DMD: variants seen among roughly 807,000 people sequenced by gnomAD.
The protein encoded by DMD is dystrophin.
DMD carries 63 observed loss-of-function variants against 330.1 expected under a neutral mutation model. The ratio of observed to expected loss-of-function variants is 0.19; its 90% CI spans 0.16 to 0.24. The LOEUF (loss-of-function observed/expected upper bound fraction) is 0.24, where lower values mean the gene tolerates loss of function less well. DMD is among the 10% of genes least tolerant of loss of function. DMD has a pLI of 1.00. For missense variants in DMD, 3,344 were observed against 2,684.1 expected, an observed-to-expected ratio of 1.25 and a Z score of -5.43; for synonymous variants, 1,223 against 959.8, an observed-to-expected ratio of 1.27 and a Z score of -5.07.
intron 61 of DMD, among the ~76,000 whole-genome samples, chrX:31,347,375 C>G (rs921504612): frequency 1.9e-5 from 2 of 107,799 alleles, no homozygotes; most frequent in African/African-American, 6.6e-5. Context: ...ACCCATTAAC[C>G]ACCCTCTCTT....
At chrX:31,703,086 C>T (rs1438450243) in intron 52 of DMD, among the ~76,000 whole-genome samples, 1 of 110,903 alleles carries the variant, frequency 9.0e-6, no homozygotes, top group Non-Finnish European at 1.9e-5. Context: ...GAACTCCTGA[C>T]ATCAAGTGGT....
At chrX:32,429,209 C>CT (rs781555625) in intron 29 of DMD, among the ~76,000 whole-genome samples, 1,768 of 75,895 alleles carry the variant, frequency 0.023, 57 homozygotes, top group African/African-American at 0.054. Context: ...CTTTTCTTTC[C>CT]TTTTTTTTTT....
intron 19 of DMD, among the ~76,000 whole-genome samples, chrX:32,500,742 A>T (rs112074524): frequency 1.2e-4 from 13 of 111,930 alleles, no homozygotes; most frequent in African/African-American, 4.2e-4. Flanking sequence ...CTCACCTGTT[A>T]TATTTGTTTG....
intron 7 of DMD, among the ~76,000 whole-genome samples, chrX:32,704,910 A>G (rs1446391172): frequency 8.9e-6 from 1 of 112,289 alleles, no homozygotes; most frequent in Admixed American, 9.4e-5. Context: ...AAGTGCTGGA[A>G]GTAAAGTGGA....
intron 62 of DMD, among the ~76,000 whole-genome samples, chrX:31,295,356 G>A (rs374205738): frequency 3.6e-5 from 4 of 110,493 alleles, no homozygotes; most frequent in African/African-American, 9.9e-5. Flanking sequence ...TCATATAACA[G>A]CTTTATTGAC....
chrX:31,620,603 C>T (rs775769816), intron 55 of DMD, among the ~76,000 whole-genome samples: 33 of 109,380 alleles, frequency 3.0e-4, no homozygotes, highest in Middle Eastern at 4.6e-3. Context: ...TTAGTAGAGA[C>T]GGGGTTTCGC....
intron 7 of DMD, among the ~76,000 whole-genome samples, chrX:32,780,018 A>G (rs1012145430): frequency 3.6e-5 from 4 of 111,884 alleles, no homozygotes; most frequent in African/African-American, 1.3e-4. Context: ...CAAGCCTGAT[A>G]TAAATTTTAC....
rs754486036 is a variant in DMD, at chrX:31,138,338, T to C, written c.10922-4144A>G. On this transcript the variant is annotated intron_variant, in intron 76 of 78. Coordinates refer to ENST00000357033, the MANE Select transcript of DMD (RefSeq NM_004006.3). The stretch of plus-strand genomic sequence containing the variant: ...TTGAGAATTTTGTGGTTATTTGTTA[T>C]GCAGCAACAGCTGACTGATACACTA... Among the ~76,000 whole-genome samples, 6 of 111,694 alleles carry C rather than the reference T, an allele frequency of 5.4e-5. 1 individual carries two copies. Among genetic ancestry groups the C allele is most frequent in the South Asian group, 3.8e-4 (1 of 2,636 alleles).
intron 11 of DMD, among the ~76,000 whole-genome samples, chrX:32,624,509 T>A (rs182600382): frequency 5.4e-5 from 6 of 111,964 alleles, no homozygotes; most frequent in Admixed American, 3.8e-4. Context: ...TATTGTTAGA[T>A]AACAGACATC....
chrX:32,731,605 C>A (rs1373859792), intron 7 of DMD, among the ~76,000 whole-genome samples: 2 of 112,331 alleles, frequency 1.8e-5, no homozygotes, highest in Non-Finnish European at 3.8e-5. Context: ...TGCCTGACCC[C>A]TGACCCCCGA....
At chrX:32,782,752 G>T (rs148082680) in intron 7 of DMD, among the ~76,000 whole-genome samples, 1 of 109,770 alleles carries the variant, frequency 9.1e-6, no homozygotes, top group Non-Finnish European at 1.9e-5. Context: ...ATAACTTCAA[G>T]AGTGTAATTA....
intron 62 of DMD, among the ~76,000 whole-genome samples, chrX:31,286,120 G>T (rs890801569): frequency 4.5e-5 from 5 of 112,073 alleles, no homozygotes; most frequent in Admixed American, 1.9e-4. Flanking sequence ...TTTGCCTTCA[G>T]GAAAGCACAG....
At chrX:31,915,604 T>C (rs1481092324) in intron 47 of DMD, among the ~76,000 whole-genome samples, 1 of 111,952 alleles carries the variant, frequency 8.9e-6, no homozygotes, top group Non-Finnish European at 1.9e-5. Flanking sequence ...CTTAACATTA[T>C]ACCATATTGG....
chrX:32,509,568 C>T (rs1344199185), intron 18 of DMD, among the ~76,000 whole-genome samples: 2 of 111,941 alleles, frequency 1.8e-5, no homozygotes, highest in Admixed American at 1.9e-4. Flanking sequence ...TATTCTCTTA[C>T]TCAGTCCCAT....
intron 61 of DMD, among the ~76,000 whole-genome samples, 158 bp from the exon 62 acceptor site, chrX:31,323,816 T>C (rs2056587578): frequency 9.0e-6 from 1 of 111,221 alleles, no homozygotes; most frequent in Non-Finnish European, 1.9e-5. Flanking sequence ...TGTTCTGAAA[T>C]TTCTGTCCTA....
chrX:32,754,567 A>C (rs1305635301), intron 7 of DMD, among the ~76,000 whole-genome samples: 1 of 110,089 alleles, frequency 9.1e-6, no homozygotes, highest in Admixed American at 9.8e-5. Context: ...AATAGGTGCC[A>C]CAGTAAAAGT....
At chrX:33,175,226 T>A (rs1398338051) in intron 1 of DMD, among the ~76,000 whole-genome samples, 1 of 112,541 alleles carries the variant, frequency 8.9e-6, no homozygotes, top group Non-Finnish European at 1.9e-5. Flanking sequence ...GTGAAAGTTG[T>A]GAGAGCTTGA....
chrX:31,942,004 T>C (rs2095011804), intron 45 of DMD, among the ~76,000 whole-genome samples: 1 of 111,927 alleles, frequency 8.9e-6, no homozygotes, highest in Non-Finnish European at 1.9e-5. Context: ...AGTACATGTG[T>C]CTCTTTGGTA....
Position 33,107,244 on chromosome X carries a change from G to A in DMD, c.32-87044C>T, listed in dbSNP as rs141585803. Among the ~76,000 whole-genome samples the A allele has an allele frequency of 3.5e-3, 380 of 107,290 alleles. 2 individuals are homozygous for A. Among genetic ancestry groups the A allele is most frequent in the African/African-American group, 0.012 (365 of 29,485 alleles). The allele number at this position is 107,290 out of a possible 115,157, so 93.2% of individuals were successfully genotyped here. ...GAAGAATCTCTTTAACTCAGGAGGC[G>A]GAGGTTGCAGTGAGCCGAGATGGCA... On this transcript the variant is annotated intron_variant, in intron 1 of 78. Coordinates refer to ENST00000357033, the MANE Select transcript of DMD (RefSeq NM_004006.3).
Sources: allele counts gnomAD v4.1 joint callset (sites outside exome capture counted in the v4.1 genomes callset), GRCh38; gene constraint gnomAD v4.1.1; transcripts MANE v1.5; gene names NCBI Gene and HGNC (gene_info 2026-07-23, HGNC 2026-07-21).